The following SH3GL3 variants were observed in gnomAD, a reference collection of about 807,000 sequenced individuals.
The protein encoded by SH3GL3 is endophilin-A3.
In SH3GL3, 33 loss-of-function variants were observed where a neutral mutation model predicts 47.7. The observed-to-expected ratio is 0.69, with a 90% CI of 0.52 to 0.92. The LOEUF is 0.92. Among genes scored for constraint, SH3GL3 ranks in the 40% least tolerant of loss-of-function variants. SH3GL3 has a pLI of 0.00. For synonymous variants in SH3GL3, 155 were observed against 148.8 expected (o/e 1.04, Z -0.30); for missense variants, 363 against 417.8 (o/e 0.87, Z 1.14).
chr15:83,467,623 T>C (rs1452825907), intron 1 of SH3GL3, among the ~76,000 whole-genome samples: 2 of 152,246 alleles, frequency 1.3e-5, no homozygotes, highest in African/African-American at 2.4e-5. Flanking sequence ...TTGGAAAGCA[T>C]TGATGAACAT....
chr15:83,603,387 T>C (rs2060437822), intron 8 of SH3GL3, among the ~76,000 whole-genome samples: 1 of 152,230 alleles, frequency 6.6e-6, no homozygotes, highest in Non-Finnish European at 1.5e-5. Flanking sequence ...GATATAGCTC[T>C]TAAGACTTTC....
intron 7 of SH3GL3, among the ~76,000 whole-genome samples, chr15:83,587,449 C>A (rs1465286892): frequency 7.4e-5 from 11 of 148,966 alleles, no homozygotes; most frequent in Non-Finnish European, 1.6e-4. Flanking sequence ...TTTAACTCCC[C>A]ATTCACAAAG....
chr15:83,541,375 C>T (rs988187665), intron 1 of SH3GL3, among the ~76,000 whole-genome samples: 4 of 117,934 alleles, frequency 3.4e-5, no homozygotes, highest in Admixed American at 1.1e-4. Flanking sequence ...GCTCTGTCGC[C>T]CAGGCTGGAG....
chr15:83,477,755 G>A (rs774253666), intron 1 of SH3GL3, among the ~76,000 whole-genome samples: 4 of 152,134 alleles, frequency 2.6e-5, no homozygotes, highest in African/African-American at 4.8e-5. Flanking sequence ...TTCTCCTTAG[G>A]AGACTTAGAG....
chr15:83,456,845 A>G (rs1427577369), intron 1 of SH3GL3, among the ~76,000 whole-genome samples: 1 of 152,110 alleles, frequency 6.6e-6, no homozygotes, highest in Non-Finnish European at 1.5e-5. Flanking sequence ...TCAGAACCCA[A>G]ATTTTTCAAG....
intron 1 of SH3GL3, among the ~76,000 whole-genome samples, chr15:83,532,499 A>G (rs1375942915): frequency 6.6e-6 from 1 of 152,210 alleles, no homozygotes; most frequent in Non-Finnish European, 1.5e-5. Flanking sequence ...GGGAGTGGAC[A>G]GTAGATTTAG....
intron 8 of SH3GL3, among the ~76,000 whole-genome samples, chr15:83,594,203 G>T (rs1431709375): frequency 6.6e-6 from 1 of 152,176 alleles, no homozygotes; most frequent in Non-Finnish European, 1.5e-5. Flanking sequence ...AACAGTCTTT[G>T]AATTTTGTCA....
intron 1 of SH3GL3, among the ~76,000 whole-genome samples, chr15:83,478,775 C>T (rs1567253736): frequency 6.6e-6 from 1 of 152,180 alleles, no homozygotes; most frequent in African/African-American, 2.4e-5. Context: ...AGCTCCAACA[C>T]GGTGGACTCA....
chr15:83,458,106 A>G (rs2040088320), intron 1 of SH3GL3, among the ~76,000 whole-genome samples: 1 of 152,244 alleles, frequency 6.6e-6, no homozygotes, highest in African/African-American at 2.4e-5. Context: ...TCAGTAAACA[A>G]CTGACACACT....
At chr15:83,492,839 C>A (rs910416463) in intron 1 of SH3GL3, among the ~76,000 whole-genome samples, 2 of 152,204 alleles carry the variant, frequency 1.3e-5, no homozygotes, top group African/African-American at 4.8e-5. Context: ...GGTGGTCCTC[C>A]CACTGTCTCA....
At chr15:83,501,252 T>C (rs1177775284) in intron 1 of SH3GL3, among the ~76,000 whole-genome samples, 2 of 152,238 alleles carry the variant, frequency 1.3e-5, no homozygotes, top group East Asian at 3.8e-4. Flanking sequence ...AATTATTGTC[T>C]GGAAAAACTG....
intron 1 of SH3GL3, among the ~76,000 whole-genome samples, chr15:83,462,188 G>T (rs558808166): frequency 4.6e-5 from 7 of 152,174 alleles, no homozygotes; most frequent in Non-Finnish European, 1.0e-4. Context: ...TCACCAAACC[G>T]CCTGATGCCA....
chr15:83,609,171 T>A (rs972136673), intron 8 of SH3GL3: 3 of 435,684 alleles, frequency 6.9e-6, no homozygotes, highest in South Asian at 1.6e-5. Flanking sequence ...TTAAATTAGA[T>A]CTTGTGAATT....
intron 1 of SH3GL3, among the ~76,000 whole-genome samples, chr15:83,527,933 C>G (rs1388599158): frequency 6.6e-6 from 1 of 152,026 alleles, no homozygotes; most frequent in Non-Finnish European, 1.5e-5. Flanking sequence ...ATATCATACT[C>G]TCACTTCCAG....
chr15:83,517,210 T>C (rs112243088), intron 1 of SH3GL3, among the ~76,000 whole-genome samples: 18 of 128,284 alleles, frequency 1.4e-4, no homozygotes, highest in Admixed American at 5.7e-4. Context: ...CTTTTCTTTT[T>C]TTTTTTTTTT....
chr15:83,607,879 T>TA (rs745730493), intron 8 of SH3GL3, among the ~76,000 whole-genome samples: 16 of 140,474 alleles, frequency 1.1e-4, no homozygotes, highest in Admixed American at 1.4e-4. Context: ...ATAATAATAA[T>TA]ACAAACAACA....
chr15:83,592,034 C>T (rs1383325784), intron 8 of SH3GL3, among the ~76,000 whole-genome samples: 1 of 152,174 alleles, frequency 6.6e-6, no homozygotes, highest in East Asian at 1.9e-4. Context: ...GGCAGTTTCC[C>T]CATCAACTCC....
rs530298066 is a variant in SH3GL3 at position 83,463,953 on chromosome 15, G to T, written c.45+16375G>T. 1.0e-3 allele frequency among the ~76,000 whole-genome samples: 156 copies of T among 151,990 alleles called. No homozygotes were observed. The Middle Eastern group carries it at 0.014, about 13-fold the overall frequency. ...AATTTTGTATTTTTAGTAGAGATGG[G>T]GTTTCACCATGTTGGCCAGGCTGGT... On this transcript the variant is annotated intron_variant, in intron 1 of 8. Coordinates refer to ENST00000427482, the MANE Select transcript of SH3GL3 (RefSeq NM_003027.5).
intron 1 of SH3GL3, among the ~76,000 whole-genome samples, chr15:83,512,900 C>T (rs1459905392): frequency 1.3e-5 from 2 of 152,166 alleles, no homozygotes; most frequent in Non-Finnish European, 2.9e-5. Flanking sequence ...CTGCTTCCCA[C>T]ATTTTAAAAA....
Sources: gnomAD v4.1 joint callset for allele counts (sites outside exome capture counted in the v4.1 genomes callset) on GRCh38, gnomAD v4.1.1 for gene constraint, MANE v1.5 for transcripts, NCBI Gene and HGNC (gene_info 2026-07-23, HGNC 2026-07-21) for gene names.